Variants in CBLB observed in about 807,000 individuals in gnomAD.
The protein encoded by CBLB is E3 ubiquitin-protein ligase CBL-B.
In CBLB, 31 loss-of-function variants were observed where a neutral mutation model predicts 104.9. The ratio of observed to expected loss-of-function variants is 0.30; its 90% CI spans 0.22 to 0.40. The LOEUF (loss-of-function observed/expected upper bound fraction) is 0.40, where lower values mean the gene tolerates loss of function less well. CBLB is among the 10% of genes least tolerant of loss of function. CBLB has a pLI of 1.00. For missense variants in CBLB, 1,062 were observed against 1,214.6 expected (o/e 0.87, Z 1.87); for synonymous variants, 440 against 422.6 (o/e 1.04, Z -0.51).
At chr3:105,680,491 G>A (rs777926406) in intron 16 of CBLB, among the ~76,000 whole-genome samples, 3 of 152,164 alleles carry the variant, frequency 2.0e-5, no homozygotes, top group Admixed American at 6.5e-5. Flanking sequence ...ATGAAGATCT[G>A]GGTAATATGT....
At chr3:105,847,353 T>C (rs1444279328) in intron 3 of CBLB, among the ~76,000 whole-genome samples, 1 of 151,192 alleles carries the variant, frequency 6.6e-6, no homozygotes, top group East Asian at 1.9e-4. Flanking sequence ...TTTTTCTATG[T>C]CAAATACTTT....
chr3:105,740,034 C>T (rs2152877185), intron 7 of CBLB, among the ~76,000 whole-genome samples: 1 of 152,150 alleles, frequency 6.6e-6, no homozygotes, highest in African/African-American at 2.4e-5. Context: ...ACCCAGGAGG[C>T]GGAGGTTGCA....
At chr3:105,856,509 T>C (rs1184755159) in intron 2 of CBLB, among the ~76,000 whole-genome samples, 1 of 152,202 alleles carries the variant, frequency 6.6e-6, no homozygotes, top group African/African-American at 2.4e-5. Context: ...CATGATCTTA[T>C]ATTCTTCCTC....
intron 4 of CBLB, among the ~76,000 whole-genome samples, chr3:105,768,326 G>A (rs2078458672): frequency 6.6e-6 from 1 of 152,150 alleles, no homozygotes; most frequent in South Asian, 2.1e-4. Flanking sequence ...AAATCTTCAA[G>A]TAGAAGGAGC....
chr3:105,849,070 G>T (rs2090627658), intron 3 of CBLB, among the ~76,000 whole-genome samples: 1 of 152,084 alleles, frequency 6.6e-6, no homozygotes, highest in African/African-American at 2.4e-5. Context: ...ACTCTTCTGT[G>T]TTCTGTAGAG....
intron 3 of CBLB, among the ~76,000 whole-genome samples, chr3:105,848,012 CCACACATACA>C (rs1268880174): frequency 2.6e-5 from 4 of 152,084 alleles, no homozygotes; most frequent in African/African-American, 9.6e-5. Flanking sequence ...TACCTTCTCT[CCACACATACA>C]CACACATACA....
At chr3:105,697,462 C>A (rs541243571) in intron 12 of CBLB, among the ~76,000 whole-genome samples, 2 of 151,858 alleles carry the variant, frequency 1.3e-5, no homozygotes, top group African/African-American at 2.4e-5. Context: ...AAAAATCTTA[C>A]AAAACACAAG....
chr3:105,757,190 C>T (rs1401011682), intron 4 of CBLB, among the ~76,000 whole-genome samples: 1 of 152,036 alleles, frequency 6.6e-6, no homozygotes, highest in Non-Finnish European at 1.5e-5. Context: ...GTTGTTTTAG[C>T]AGTGCTATAA....
rs775144292 is a variant in CBLB at position 105,704,150 on chromosome 3, T to C, written c.1431A>G (p.Pro477=). 6.2e-7 allele frequency: 1 copy of C among 1,613,918 alleles called. No homozygotes were observed. Among genetic ancestry groups the C allele is most frequent in the African/African-American group, 1.3e-5 (1 of 74,918 alleles). Residue 477 remains proline (P), a synonymous_variant, in exon 11 of 19, where the codon CCA becomes CCG. Transcript: ENST00000394030. ...VRKCTDRQNS[P]VTSPGSSPLA... is the part of the protein sequence containing the mutation. ...GGGGAGAGGATCCTGGTGATGTGAC[T>C]GGTGAGTTCTGCCTGTCAGTGCACT...
At chr3:105,747,278 T>G (rs537426063) in intron 5 of CBLB, among the ~76,000 whole-genome samples, 1 of 152,166 alleles carries the variant, frequency 6.6e-6, no homozygotes, top group South Asian at 2.1e-4. Flanking sequence ...AAAAAGTATT[T>G]TTACGTTGCC....
chr3:105,793,272 G>T (rs1294151460), intron 3 of CBLB, among the ~76,000 whole-genome samples: 1 of 152,078 alleles, frequency 6.6e-6, no homozygotes, highest in Non-Finnish European at 1.5e-5. Context: ...GAAGGAAAGT[G>T]AAAGGCAGAA....
intron 3 of CBLB, among the ~76,000 whole-genome samples, chr3:105,834,561 C>A (rs1287155792): frequency 6.6e-6 from 1 of 152,038 alleles, no homozygotes; most frequent in Non-Finnish European, 1.5e-5. Context: ...GAGGCTGAGG[C>A]AGGAGAATGG....
intron 4 of CBLB, among the ~76,000 whole-genome samples, chr3:105,754,515 GAGAGAGAC>G (rs750769447): frequency 0.053 from 5,574 of 105,786 alleles, 148 homozygotes; most frequent in East Asian, 0.12. Context: ...GAGAGAGAGA[GAGAGAGAC>G]AGAGAGAGAG....
At chr3:105,680,997 T>C (rs189527293) in intron 16 of CBLB, 1 of 160,578 alleles carries the variant, frequency 6.2e-6, no homozygotes, top group African/African-American at 2.4e-5. Context: ...TGAGATTTTT[T>C]TGAATGTGTT....
chr3:105,744,498 T>G (rs1280715416), intron 6 of CBLB, among the ~76,000 whole-genome samples: 3 of 152,194 alleles, frequency 2.0e-5, no homozygotes, highest in Non-Finnish European at 4.4e-5. Flanking sequence ...AATAGAAGAT[T>G]TCAGTGGAAG....
At chr3:105,703,320 T>C (rs572425295) in intron 11 of CBLB, among the ~76,000 whole-genome samples, 3 of 152,294 alleles carry the variant, frequency 2.0e-5, no homozygotes, top group African/African-American at 7.2e-5. Context: ...ACTAAATATA[T>C]TGTGCTTCCA....
intron 3 of CBLB, among the ~76,000 whole-genome samples, chr3:105,819,640 C>A (rs2085550624): frequency 6.6e-6 from 1 of 152,124 alleles, no homozygotes. Flanking sequence ...AATGTGATAT[C>A]ATCAGAACTT....
chr3:105,819,529 A>C (rs564686407), intron 3 of CBLB, among the ~76,000 whole-genome samples: 32 of 151,744 alleles, frequency 2.1e-4, no homozygotes, highest in Non-Finnish European at 4.1e-4. Flanking sequence ...TAATGAAGGG[A>C]AAGTAAGATG....
chr3:105,842,496 C>T lies in CBLB; in HGVS notation c.419+10918G>A, dbSNP rs2089694227. ...CTAAACAAACACCGTTTCTCCCTTG[C>T]CCTTCTTTACTATGGAGGCTGAAAT... On this transcript the variant is annotated intron_variant, in intron 3 of 18. Transcript: ENST00000394030. Among the ~76,000 whole-genome samples, 4 of 152,210 alleles carry T rather than the reference C, an allele frequency of 2.6e-5. No homozygotes were observed. In the South Asian group the frequency reaches 8.3e-4, roughly 32 times the overall value.
Sources: allele counts gnomAD v4.1 joint callset (sites outside exome capture counted in the v4.1 genomes callset), GRCh38; gene constraint gnomAD v4.1.1; transcripts MANE v1.5; gene names NCBI Gene and HGNC (gene_info 2026-07-23, HGNC 2026-07-21).